CDH12: variants seen among roughly 807,000 people sequenced by gnomAD.
CDH12 encodes cadherin 12.
CDH12 carries 41 observed loss-of-function variants against 74.1 expected under a neutral mutation model. That is an observed-to-expected ratio of 0.55 (90% CI 0.43 to 0.72). CDH12 has a LOEUF of 0.72. Ranked by LOEUF, CDH12 falls within the 30% of genes least tolerant of loss-of-function variation. The pLI, the probability that CDH12 is intolerant of heterozygous loss-of-function variation, is 0.00. For missense variants in CDH12, 945 were observed against 977.2 expected (o/e 0.97, Z 0.44); for synonymous variants, 399 against 355.0 (o/e 1.12, Z -1.39).
At position 21,986,019 on chromosome 5, in the gene CDH12, A is replaced by C. The variant is rs1468754281; in HGVS notation, c.232-10634T>G. ...AATTGTTGCTATATGAGCAAGAGGGATACCACTTTACAAGGTTAGGAATTC... is the reference window on the plus strand; with the variant it reads ...AATTGTTGCTATATGAGCAAGAGGGCTACCACTTTACAAGGTTAGGAATTC... On this transcript the variant is annotated intron_variant, in intron 5 of 14. Coordinates refer to ENST00000382254, the MANE Select transcript of CDH12 (RefSeq NM_004061.5). 4.6e-5 allele frequency among the ~76,000 whole-genome samples: 7 copies of C among 152,222 alleles called. No individual in the cohort carries two copies. In the East Asian group the frequency reaches 1.4e-3, roughly 29 times the overall value.
chr5:22,206,209 A>G (rs1156764028), intron 4 of CDH12, among the ~76,000 whole-genome samples: 1 of 152,042 alleles, frequency 6.6e-6, no homozygotes, highest in East Asian at 1.9e-4. Context: ...TGAGAGCAGC[A>G]TTTCTCATCA....
chr5:22,561,689 C>T (rs1161319248), intron 1 of CDH12, among the ~76,000 whole-genome samples: 1 of 151,858 alleles, frequency 6.6e-6, no homozygotes, highest in Non-Finnish European at 1.5e-5. Flanking sequence ...CATTTTTTGC[C>T]AGAGGAAACT....
intron 5 of CDH12, among the ~76,000 whole-genome samples, chr5:22,044,866 C>T (rs958471064): frequency 4.6e-5 from 7 of 152,104 alleles, no homozygotes; most frequent in African/African-American, 7.2e-5. Flanking sequence ...AGGGGAAATG[C>T]TACAAGTCAT....
chr5:22,070,766 G>T (rs1229336627), intron 5 of CDH12, among the ~76,000 whole-genome samples: 1 of 152,150 alleles, frequency 6.6e-6, no homozygotes, highest in African/African-American at 2.4e-5. Context: ...GATGAGAATA[G>T]AATTGAATTT....
In CDH12 at chr5:21,854,786, T is replaced by C; in HGVS notation, c.531A>G (p.Ala177=). ...CTGTGGCCTTGACCTGGAGTACATA[T>C]GCACCTGGAAAATAAGACAATATCA... ...ATVPEMSPVG[A]YVLQVKATDA... is the part of the protein sequence containing the mutation. Residue 177 remains alanine (A), a synonymous_variant, in exon 7 of 15, where the codon GCA becomes GCG. Coordinates refer to ENST00000382254, the MANE Select transcript of CDH12 (RefSeq NM_004061.5). 1 of 1,608,406 alleles carries C rather than the reference T, an allele frequency of 6.2e-7. No individual in the cohort carries two copies. The highest frequency in any genetic ancestry group is 1.7e-4 in the Middle Eastern group (1 of 6,008).
chr5:21,802,095 G>T, intron 10 of CDH12, 72 bp downstream of exon 10: 3 of 1,329,852 alleles, frequency 2.3e-6, no homozygotes, highest in South Asian at 1.4e-5. Flanking sequence ...ACAGAGAATT[G>T]GTTCTCTGGT....
intron 4 of CDH12, among the ~76,000 whole-genome samples, chr5:22,096,241 C>CA (rs1162244126): frequency 2.0e-5 from 3 of 151,956 alleles, no homozygotes; most frequent in Non-Finnish European, 4.4e-5. Context: ...TCCAAATAGC[C>CA]AAAAAACGGC....
chr5:21,897,112 G>T (rs1380950346), intron 6 of CDH12, among the ~76,000 whole-genome samples: 1 of 152,116 alleles, frequency 6.6e-6, no homozygotes, highest in Non-Finnish European at 1.5e-5. Flanking sequence ...CTGAAATGTT[G>T]CTCAGTAAGG....
chr5:21,867,778 T>C (rs1254239307), intron 6 of CDH12, among the ~76,000 whole-genome samples: 1 of 152,258 alleles, frequency 6.6e-6, no homozygotes, highest in African/African-American at 2.4e-5. Context: ...GAGTTAATGC[T>C]GAAAGGAGTT....
At chr5:22,739,231 C>A (rs557917011) in intron 1 of CDH12, among the ~76,000 whole-genome samples, 10 of 151,796 alleles carry the variant, frequency 6.6e-5, no homozygotes, top group African/African-American at 2.4e-4. Flanking sequence ...GGAAAGAAAT[C>A]ATGAAAATGA....
intron 1 of CDH12, among the ~76,000 whole-genome samples, chr5:22,721,564 T>A (rs1428272772): frequency 6.6e-6 from 1 of 152,172 alleles, no homozygotes; most frequent in Non-Finnish European, 1.5e-5. Context: ...CGAGTTAATA[T>A]TGAAATGAGT....
At chr5:22,288,330 A>G (rs1340722404) in intron 3 of CDH12, among the ~76,000 whole-genome samples, 3 of 152,172 alleles carry the variant, frequency 2.0e-5, no homozygotes, top group African/African-American at 7.2e-5. Flanking sequence ...TTTAAATATG[A>G]ATGTACATCT....
chr5:22,425,154 T>TATATATATATATAA (rs1554039862), intron 2 of CDH12, among the ~76,000 whole-genome samples: 987 of 65,166 alleles, frequency 0.015, 7 homozygotes, highest in Middle Eastern at 0.053. Context: ...TGTGTGTGTG[T>TATATATATATATAA]ATATATATAT....
At chr5:22,522,964 C>T (rs1428453577) in intron 1 of CDH12, among the ~76,000 whole-genome samples, 1 of 152,118 alleles carries the variant, frequency 6.6e-6, no homozygotes, top group Non-Finnish European at 1.5e-5. Context: ...ACAACTTTGC[C>T]ATCCACTCAG....
chr5:22,240,133 T>C (rs1006941347), intron 3 of CDH12, among the ~76,000 whole-genome samples: 1 of 152,160 alleles, frequency 6.6e-6, no homozygotes. Flanking sequence ...ATCTCTTAGC[T>C]CCAGAGTTAG....
chr5:21,967,400 G>T (rs916358719), intron 6 of CDH12, among the ~76,000 whole-genome samples: 19 of 152,142 alleles, frequency 1.2e-4, no homozygotes, highest in Non-Finnish European at 1.5e-5. Flanking sequence ...CCAGTAGCTG[G>T]CAAAGCAGTT....
chr5:21,910,518 A>G (rs1753817096), intron 6 of CDH12, among the ~76,000 whole-genome samples: 1 of 152,058 alleles, frequency 6.6e-6, no homozygotes, highest in South Asian at 2.1e-4. Context: ...GAACTCATTG[A>G]CCAGAAATGG....
chr5:22,684,592 T>G (rs1741662501), intron 1 of CDH12, among the ~76,000 whole-genome samples: 1 of 152,212 alleles, frequency 6.6e-6, no homozygotes, highest in African/African-American at 2.4e-5. Flanking sequence ...TCACGTATTC[T>G]TAGGTTTTCA....
Position 21,932,470 on chromosome 5 carries a change from G to T in CDH12, c.526+42621C>A, listed in dbSNP as rs138931073. On this transcript the variant is annotated intron_variant, in intron 6 of 14. Transcript: ENST00000382254. ...CATTCTTTTGGATAAAAAATACTCA[G>T]CTCTCTGCAGAGGAACTCTGACACA... Among the ~76,000 whole-genome samples the T allele has an allele frequency of 7.6e-3, 1,162 of 152,184 alleles. 16 individuals are homozygous for T. Among genetic ancestry groups the T allele is most frequent in the African/African-American group, 0.027 (1,105 of 41,530 alleles).
Sources: allele counts gnomAD v4.1 joint callset (sites outside exome capture counted in the v4.1 genomes callset), GRCh38; gene constraint gnomAD v4.1.1; transcripts MANE v1.5; gene names NCBI Gene and HGNC (gene_info 2026-07-23, HGNC 2026-07-21).